The following RNF150 variants were observed in gnomAD, a reference collection of about 807,000 sequenced individuals.
The protein encoded by RNF150 is ring finger protein 150.
In RNF150, 24 loss-of-function variants were observed where a neutral mutation model predicts 39.3. That is an observed-to-expected ratio of 0.61 (90% CI 0.44 to 0.86). The LOEUF (loss-of-function observed/expected upper bound fraction) is 0.86, where lower values mean the gene tolerates loss of function less well. Among genes scored for constraint, RNF150 ranks in the 40% least tolerant of loss-of-function variants. The probability of loss-of-function intolerance (pLI) is 0.00; values close to 1 mark genes in which losing one functional copy is unlikely to be tolerated. For synonymous variants in RNF150, 255 were observed against 227.3 expected (o/e 1.12, Z -1.10); for missense variants, 502 against 587.8 (o/e 0.85, Z 1.51).
chr4:140,862,841 AT>A lies in RNF150; in HGVS notation c.*5419del, dbSNP rs1728546107. 6.6e-6 allele frequency: 1 copy of A among 152,154 alleles called. No homozygotes were observed. Among genetic ancestry groups the A allele is most frequent in the African/African-American group, 2.4e-5 (1 of 41,434 alleles). The allele number at this position is 152,154 out of a possible 1,614,324, so 9.4% of individuals were successfully genotyped here. On this transcript the variant is annotated 3_prime_UTR_variant, in exon 7 of 7. Transcript: ENST00000515673. ...GCATTTACTTGGGGACAGCACGCAC[AT>A]TTTGTTAAGCACAGAAGCTTTCCAG... is the stretch of plus-strand genomic sequence containing the variant.
chr4:141,108,707 C>T (rs1739291930), intron 1 of RNF150, among the ~76,000 whole-genome samples: 1 of 152,014 alleles, frequency 6.6e-6, no homozygotes, highest in African/African-American at 2.4e-5. Context: ...CATATTTATC[C>T]CTATTTTAAA....
At chr4:141,126,944 G>A (rs28372551) in intron 1 of RNF150, among the ~76,000 whole-genome samples, 6,100 of 152,180 alleles carry the variant, frequency 0.04, 411 homozygotes, top group African/African-American at 0.14. Flanking sequence ...CTCCCATTAC[G>A]TAATAGAGAT....
intron 1 of RNF150, among the ~76,000 whole-genome samples, chr4:141,020,654 A>C (rs1487154354): frequency 1.3e-5 from 2 of 152,184 alleles, no homozygotes; most frequent in African/African-American, 4.8e-5. Context: ...AAAACATGGC[A>C]AACTCTATAA....
chr4:140,953,006 G>A (rs1732601146), intron 2 of RNF150, among the ~76,000 whole-genome samples: 1 of 152,196 alleles, frequency 6.6e-6, no homozygotes, highest in Non-Finnish European at 1.5e-5. Flanking sequence ...TGTACAGCAT[G>A]TACTGAATAC....
intron 1 of RNF150, among the ~76,000 whole-genome samples, chr4:141,015,609 G>A (rs1253271448): frequency 2.0e-5 from 3 of 152,026 alleles, no homozygotes; most frequent in African/African-American, 7.2e-5. Flanking sequence ...TTTGTGTCCT[G>A]TAATTTTACT....
intron 1 of RNF150, among the ~76,000 whole-genome samples, chr4:141,027,944 T>TTTTTTTA (rs1735783233): frequency 7.5e-6 from 1 of 133,012 alleles, no homozygotes; most frequent in Non-Finnish European, 1.6e-5. Flanking sequence ...TTTTTTTTTT[T>TTTTTTTA]TTTTTTTTCA....
Position 141,115,544 on chromosome 4 carries a change from G to A in RNF150, c.484+16781C>T, listed in dbSNP as rs142051649. Among the ~76,000 whole-genome samples, 1,054 of 151,912 alleles carry A rather than the reference G, an allele frequency of 6.9e-3. 11 individuals carry two copies. Among genetic ancestry groups the A allele is most frequent in the African/African-American group, 0.024 (981 of 41,514 alleles). ...CATGCTCATGGATAGGAAGAATATC[G>A]TGAAATTGGCCATACTGCCAAAAGT... On this transcript the variant is annotated intron_variant, in intron 1 of 6. Coordinates refer to ENST00000515673, the MANE Select transcript of RNF150 (RefSeq NM_020724.2).
intron 1 of RNF150, among the ~76,000 whole-genome samples, chr4:140,987,774 TA>T: frequency 6.6e-6 from 1 of 152,236 alleles, no homozygotes; most frequent in East Asian, 1.9e-4. Context: ...ATAGTTAAAC[TA>T]AACAGCTTTG....
At chr4:140,913,618 G>T (rs940650750) in intron 5 of RNF150, among the ~76,000 whole-genome samples, 1 of 152,142 alleles carries the variant, frequency 6.6e-6, no homozygotes, top group Non-Finnish European at 1.5e-5. Context: ...CTTTGCTCCT[G>T]CAAGCACTTC....
At chr4:141,194,830 T>C (rs1728170996) in intron 1 of RNF150, among the ~76,000 whole-genome samples, 1 of 152,148 alleles carries the variant, frequency 6.6e-6, no homozygotes, top group Non-Finnish European at 1.5e-5. Flanking sequence ...CGAGTTCAAA[T>C]CCTAACTCTG....
chr4:141,071,393 T>C (rs921771998), intron 1 of RNF150, among the ~76,000 whole-genome samples: 33 of 133,074 alleles, frequency 2.5e-4, no homozygotes, highest in African/African-American at 9.1e-4. Context: ...TAAAAAAAAA[T>C]GGAATAAGAA....
intron 1 of RNF150, among the ~76,000 whole-genome samples, chr4:141,049,670 A>G (rs988846128): frequency 3.3e-5 from 5 of 152,224 alleles, no homozygotes; most frequent in Non-Finnish European, 5.9e-5. Flanking sequence ...CAATGACATT[A>G]TAAATTGAAG....
intron 1 of RNF150, among the ~76,000 whole-genome samples, chr4:141,170,727 C>G (rs1255181994): frequency 6.6e-6 from 1 of 152,096 alleles, no homozygotes; most frequent in African/African-American, 2.4e-5. Flanking sequence ...TTGGAAATGA[C>G]CACAGAAATG....
intron 1 of RNF150, among the ~76,000 whole-genome samples, chr4:140,994,284 A>G (rs758694478): frequency 6.6e-6 from 1 of 152,236 alleles, no homozygotes; most frequent in African/African-American, 2.4e-5. Context: ...ATCTCTCCAC[A>G]TTAAAAGTTA....
intron 1 of RNF150, chr4:141,053,699 G>T: frequency 7.1e-7 from 1 of 1,416,426 alleles, no homozygotes; most frequent in Non-Finnish European, 9.2e-7. Context: ...GGTGAAATCA[G>T]CTTCAGGGGC....
At chr4:141,041,774 A>G (rs1560705142) in intron 1 of RNF150, among the ~76,000 whole-genome samples, 1 of 152,148 alleles carries the variant, frequency 6.6e-6, no homozygotes. Flanking sequence ...GTTTTTGAGC[A>G]TATCATTATA....
intron 6 of RNF150, among the ~76,000 whole-genome samples, chr4:140,901,883 G>A (rs934985105): frequency 2.0e-5 from 3 of 152,188 alleles, no homozygotes; most frequent in Admixed American, 1.3e-4. Context: ...GGAGGGAGAA[G>A]CATGGGAGGA....
chr4:141,066,431 C>T (rs1578688576), intron 1 of RNF150, among the ~76,000 whole-genome samples: 1 of 152,208 alleles, frequency 6.6e-6, no homozygotes, highest in East Asian at 1.9e-4. Context: ...ACACTGAAGC[C>T]TAATCTTAAA....
chr4:140,964,108 A>T (rs1320751288), intron 2 of RNF150, among the ~76,000 whole-genome samples: 1 of 152,136 alleles, frequency 6.6e-6, no homozygotes, highest in Non-Finnish European at 1.5e-5. Context: ...AGGATGTCTA[A>T]CATTTGAAAG....
Sources: allele counts gnomAD v4.1 joint callset (sites outside exome capture counted in the v4.1 genomes callset), GRCh38; gene constraint gnomAD v4.1.1; transcripts MANE v1.5; gene names NCBI Gene and HGNC (gene_info 2026-07-23, HGNC 2026-07-21).